Variants in COL25A1 observed in about 807,000 individuals in gnomAD.
The protein encoded by COL25A1 is collagen alpha-1(XXV) chain.
A neutral mutation model predicts 128.4 loss-of-function variants in COL25A1; 103 were observed. The ratio of observed to expected loss-of-function variants is 0.80; its 90% confidence interval spans 0.68 to 0.94. The LOEUF (loss-of-function observed/expected upper bound fraction) is 0.94, where lower values mean the gene tolerates loss of function less well. Ranked by LOEUF, COL25A1 falls within the 40% of genes least tolerant of loss-of-function variation. The pLI is 0.00. For synonymous variants in COL25A1, 279 were observed against 277.2 expected, an observed-to-expected ratio of 1.01 and a Z score of -0.06; for missense variants, 745 against 840.0, an observed-to-expected ratio of 0.89 and a Z score of 1.40.
chr4:109,285,876 TTTG>T (rs1723839076), intron 3 of COL25A1, among the ~76,000 whole-genome samples: 1 of 132,032 alleles, frequency 7.6e-6, no homozygotes, highest in African/African-American at 3.9e-5. Flanking sequence ...TGTTTTGTTT[TTTG>T]TTTTTTTGTC....
intron 3 of COL25A1, among the ~76,000 whole-genome samples, chr4:109,285,746 A>G (rs1249967930): frequency 6.6e-6 from 1 of 152,226 alleles, no homozygotes; most frequent in Non-Finnish European, 1.5e-5. Context: ...ATAAACACTC[A>G]AATATCACTT....
At chr4:109,088,262 T>C (rs1764584350) in intron 3 of COL25A1, among the ~76,000 whole-genome samples, 1 of 152,158 alleles carries the variant, frequency 6.6e-6, no homozygotes, top group African/African-American at 2.4e-5. Context: ...AGTCTGAATC[T>C]GTGAAAAATT....
intron 8 of COL25A1, among the ~76,000 whole-genome samples, chr4:108,970,642 G>C (rs373856720): frequency 3.3e-5 from 5 of 152,096 alleles, no homozygotes; most frequent in South Asian, 2.1e-4. Flanking sequence ...CTGTACAGTA[G>C]ATCTGTTGAA....
Position 108,897,016 on chromosome 4 carries a change from C to T in COL25A1, c.862-305G>A, listed in dbSNP as rs921046887. ...AATTCTGTCTCTGCTCAAAGCTCCACGCAAACAAAGGCTTTCTCCTGACAG... is the reference window on the plus strand; with the variant it reads ...AATTCTGTCTCTGCTCAAAGCTCCATGCAAACAAAGGCTTTCTCCTGACAG... On this transcript the variant is annotated intron_variant, in intron 15 of 37. Coordinates refer to ENST00000399132, the MANE Select transcript of COL25A1 (RefSeq NM_198721.4). Among the ~76,000 whole-genome samples, 8 of 152,178 alleles carry T rather than the reference C, an allele frequency of 5.3e-5. 1 individual carries two copies. The South Asian group carries it at 1.0e-3, about 20-fold the overall frequency.
chr4:108,878,558 TGATTGATAC>T lies in COL25A1; in HGVS notation c.1020+5611_1020+5619del, dbSNP rs1235095978. 4.9e-4 allele frequency among the ~76,000 whole-genome samples: 75 copies of T among 152,142 alleles called. 1 individual carries two copies. The highest frequency in any genetic ancestry group is 2.6e-4 in the Admixed American group (4 of 15,286). On this transcript the variant is annotated intron_variant, in intron 19 of 37. Coordinates refer to ENST00000399132, the MANE Select transcript of COL25A1 (RefSeq NM_198721.4). ...ACCACCAGGCAGCCAGTTTTGGTAA[TGATTGATAC>T]GTAAAATTATTGAGGGGAAAAAAGA...
intron 3 of COL25A1, among the ~76,000 whole-genome samples, chr4:109,279,311 A>T (rs1281554607): frequency 1.3e-5 from 2 of 152,174 alleles, no homozygotes; most frequent in African/African-American, 2.4e-5. Flanking sequence ...TAGGATTTTT[A>T]AAAAATATAC....
At chr4:108,897,633 A>G (rs1233358122) in intron 15 of COL25A1, among the ~76,000 whole-genome samples, 1 of 152,232 alleles carries the variant, frequency 6.6e-6, no homozygotes, top group East Asian at 1.9e-4. Flanking sequence ...CTAGGGCAGT[A>G]TCTGGCACAT....
intron 5 of COL25A1, chr4:109,022,236 T>C (rs1757844072): frequency 2.2e-6 from 1 of 451,490 alleles, no homozygotes; most frequent in East Asian, 7.0e-5. Flanking sequence ...TTTCTCTTTA[T>C]TTCTCAGACT....
chr4:109,285,233 T>G (rs150171758), intron 3 of COL25A1, among the ~76,000 whole-genome samples: 35 of 152,324 alleles, frequency 2.3e-4, no homozygotes, highest in Admixed American at 3.9e-4. Context: ...ACAGAGGTAC[T>G]CAACTTGTTT....
chr4:109,074,329 T>C (rs78609924), intron 3 of COL25A1, among the ~76,000 whole-genome samples: 3,223 of 152,274 alleles, frequency 0.021, 71 homozygotes, highest in Middle Eastern at 0.11. Flanking sequence ...TCAATGTTTG[T>C]GTTGCTGTTT....
chr4:109,093,943 G>T (rs1318872711), intron 3 of COL25A1, among the ~76,000 whole-genome samples: 1 of 151,826 alleles, frequency 6.6e-6, no homozygotes, highest in Non-Finnish European at 1.5e-5. Context: ...ACTTTAGTTG[G>T]AAAATATCCA....
intron 3 of COL25A1, among the ~76,000 whole-genome samples, chr4:109,085,797 A>G (rs1479104969): frequency 6.6e-6 from 1 of 152,228 alleles, no homozygotes; most frequent in Non-Finnish European, 1.5e-5. Flanking sequence ...CACTGCTAGC[A>G]CCAAGAATAC....
chr4:109,143,085 C>T (rs958731564), intron 3 of COL25A1, among the ~76,000 whole-genome samples: 9 of 152,156 alleles, frequency 5.9e-5, no homozygotes, highest in African/African-American at 1.9e-4. Flanking sequence ...CCTTCAGGAA[C>T]TCTTGTAAGG....
At chr4:108,848,590 G>A (rs114367464) in intron 27 of COL25A1, among the ~76,000 whole-genome samples, 169 bp downstream of exon 27, 2,869 of 152,182 alleles carry the variant, frequency 0.019, 87 homozygotes, top group African/African-American at 0.066. Flanking sequence ...ATGTTTTTGC[G>A]AAGAAAACTA....
chr4:109,008,949 C>T (rs991423874), intron 6 of COL25A1, among the ~76,000 whole-genome samples: 1 of 152,040 alleles, frequency 6.6e-6, no homozygotes. Context: ...GGTGAAACCT[C>T]ATCTCCACTA....
intron 11 of COL25A1, among the ~76,000 whole-genome samples, chr4:108,921,936 T>A (rs1015930984): frequency 6.6e-6 from 1 of 152,168 alleles, no homozygotes; most frequent in Non-Finnish European, 1.5e-5. Flanking sequence ...ATAGAGACTA[T>A]CAGGTGTAAA....
chr4:108,899,722 G>A, intron 14 of COL25A1, among the ~76,000 whole-genome samples: 1 of 152,100 alleles, frequency 6.6e-6, no homozygotes, highest in African/African-American at 2.4e-5. Flanking sequence ...TTTAGCTTCT[G>A]GTAAAGAGCA....
intron 3 of COL25A1, among the ~76,000 whole-genome samples, chr4:109,211,269 T>A (rs1777496344): frequency 2.2e-5 from 1 of 46,118 alleles, no homozygotes; most frequent in Admixed American, 2.5e-4. Context: ...TGTATATATA[T>A]GAAACTATAT....
chr4:109,206,712 T>C (rs772132413), intron 3 of COL25A1, among the ~76,000 whole-genome samples: 1 of 152,214 alleles, frequency 6.6e-6, no homozygotes, highest in African/African-American at 2.4e-5. Context: ...AAAAGCTCTC[T>C]AAATCACAGG....
Sources: allele counts gnomAD v4.1 joint callset (sites outside exome capture counted in the v4.1 genomes callset), GRCh38; gene constraint gnomAD v4.1.1; transcripts MANE v1.5; gene names NCBI Gene and HGNC (gene_info 2026-07-23, HGNC 2026-07-21).